PCNT: variants seen among roughly 807,000 people sequenced by gnomAD.
PCNT encodes pericentrin.
Under a neutral mutation model 380.4 loss-of-function variants are expected in PCNT, and 319 were observed. That is an observed-to-expected ratio of 0.84 (90% confidence interval 0.77 to 0.92). The LOEUF (loss-of-function observed/expected upper bound fraction) is 0.92, where lower values mean the gene tolerates loss of function less well. Ranked by LOEUF, PCNT falls within the 40% of genes least tolerant of loss-of-function variation. The pLI is 0.00. For synonymous variants in PCNT, 1,845 were observed against 1,735.2 expected (o/e 1.06, Z -1.57); for missense variants, 4,400 against 4,255.3 (o/e 1.03, Z -0.95).
chr21:46,364,737 C>T (rs1438571984), intron 14 of PCNT, among the ~76,000 whole-genome samples: 1 of 152,220 alleles, frequency 6.6e-6, no homozygotes, highest in Non-Finnish European at 1.5e-5. Flanking sequence ...CATCTGTCTG[C>T]CCCACCCAGC....
At position 46,412,070 on chromosome 21, in the gene PCNT, G is replaced by A. The variant is rs1217651313; in HGVS notation, c.5994+3G>A. On this transcript the variant is annotated splice_donor_region_variant and intron_variant, in intron 28 of 46. Transcript: ENST00000359568. ...AGCCGGTTGTCCCTGACCCACAGGT[G>A]GGCTCCCCCCGCGGGCCATGGCAGG... The A allele has an allele frequency of 6.2e-6, 10 of 1,605,868 alleles. No individual in the cohort carries two copies. The highest frequency in any genetic ancestry group is 1.1e-5 in the South Asian group (1 of 90,978).
chr21:46,365,692 C>A (rs1370035583), intron 14 of PCNT, among the ~76,000 whole-genome samples: 8 of 122,796 alleles, frequency 6.5e-5, no homozygotes, highest in South Asian at 2.8e-4. Context: ...ATGGGGTTCT[C>A]CTCACTGCTG....
chr21:46,416,344 C>A lies in PCNT; in HGVS notation c.6426C>A (p.Ile2142=), dbSNP rs773024119. Reference sequence around the variant, plus strand: ...CCACGGGGGGTGTAACTGATGTTATCAAAAATCAGGCCATAGACGCGTGTG... The same window carrying A: ...CCACGGGGGGTGTAACTGATGTTATAAAAAATCAGGCCATAGACGCGTGTG... ...NTATGGVTDV[I]KNQAIDACDA... is the part of the protein sequence containing the mutation. The change falls in exon 30 of 47, where the codon ATC becomes ATA. Residue 2142 remains isoleucine (I), a synonymous_variant. Transcript: ENST00000359568. The A allele has an allele frequency of 5.6e-6, 9 of 1,614,020 alleles. No individual in the cohort carries two copies. In the South Asian group the frequency reaches 9.9e-5, roughly 18 times the overall value.
Position 46,432,229 on chromosome 21 carries a change from G to C in PCNT, c.8751+14G>C. ...AAGGAGAAGCTGGTGAGAGCCGCCT[G>C]CCGGCGGAGCGTCCACACCTAAAAA... On this transcript the variant is annotated intron_variant, in intron 38 of 46. Transcript: ENST00000359568. The C allele has an allele frequency of 1.3e-6, 2 of 1,596,710 alleles. No homozygotes were observed. Among genetic ancestry groups the C allele is most frequent in the Non-Finnish European group, 1.7e-6 (2 of 1,172,690 alleles).
chr21:46,435,234 G>T (rs1363119457), intron 38 of PCNT, among the ~76,000 whole-genome samples: 1 of 151,736 alleles, frequency 6.6e-6, no homozygotes, highest in Non-Finnish European at 1.5e-5. Context: ...TTTTGGTTTG[G>T]TTTTTTTTGG....
Position 46,358,745 on chromosome 21 carries a change from C to T in PCNT, c.2154+1554C>T, listed in dbSNP as rs181789420. ...CTTCAAGTGATTCTCTTGCCTCAGC[C>T]TCCCTAGTAGCTGGAATTACAGGTG... On this transcript the variant is annotated intron_variant, in intron 13 of 46. Coordinates refer to ENST00000359568, the MANE Select transcript of PCNT (RefSeq NM_006031.6). Among the ~76,000 whole-genome samples, 415 of 152,118 alleles carry T rather than the reference C, an allele frequency of 2.7e-3. 2 individuals are homozygous for T. The highest frequency in any genetic ancestry group is 9.6e-3 in the African/African-American group (397 of 41,530).
At chr21:46,351,656 C>T in intron 9 of PCNT, 116 bp downstream of exon 9, 1 of 744,520 alleles carries the variant, frequency 1.3e-6, no homozygotes. Flanking sequence ...AGTGGATTTA[C>T]CTGTTTGACA....
At chr21:46,442,856 CTTTT>C in intron 44 of PCNT, 1 of 486,886 alleles carries the variant, frequency 2.1e-6, no homozygotes, top group Admixed American at 3.5e-5. Flanking sequence ...GCAAAATGGT[CTTTT>C]TTTATTCCTT....
At position 46,425,705 on chromosome 21, in the gene PCNT, G is replaced by C. The variant is rs1004840695; in HGVS notation, c.7180-126G>C. 3.7e-6 allele frequency: 5 copies of C among 1,366,730 alleles called. No homozygotes were observed. Among genetic ancestry groups the C allele is most frequent in the Non-Finnish European group, 5.2e-6 (5 of 968,732 alleles). The allele number at this position is 1,366,730 out of a possible 1,614,324, so 84.7% of individuals were successfully genotyped here. ...GCCGCCTGTACGAAGCCGAGGCGGT[G>C]CCCTCCCTCTCCACAGCTGCCCGCC... is the stretch of plus-strand genomic sequence containing the variant. On this transcript the variant is annotated intron_variant, in intron 32 of 46. Coordinates refer to ENST00000359568, the MANE Select transcript of PCNT (RefSeq NM_006031.6). The surrounding 1 kb of genome is among the most constrained non-coding windows in gnomAD (Gnocchi z 4.2).
In PCNT at chr21:46,403,756, C is replaced by T. The variant is rs568426770; in HGVS notation, c.5115+1273C>T. On this transcript the variant is annotated intron_variant, in intron 27 of 46. Transcript: ENST00000359568. Reference sequence around the variant, plus strand: ...TAGTGTGTGTTTGGTGCCCACGCGGCGCGTGCTCGGTGAATGAACACAGCG... The same window carrying T: ...TAGTGTGTGTTTGGTGCCCACGCGGTGCGTGCTCGGTGAATGAACACAGCG... Among the ~76,000 whole-genome samples, 12 of 143,080 alleles carry T rather than the reference C, an allele frequency of 8.4e-5. No homozygotes were observed. In the South Asian group the frequency reaches 2.4e-3, roughly 29 times the overall value. The allele number at this position is 143,080 out of a possible 152,430, so 93.9% of individuals were successfully genotyped here.
chr21:46,357,108 G>A lies in PCNT; in HGVS notation c.2071G>A (p.Glu691Lys). ...GCTTCTTCAGACTGAGCTCAAAGAA[G>A]AAATTGAACTCCTAAAAATAGAAAA... ...LSLLQTELKEEIELLKIENRN... is the reference protein window; with the variant it reads ...LSLLQTELKEKIELLKIENRN... Residue 691 changes from glutamate to lysine, a missense_variant, in exon 13 of 47, where the codon GAA becomes AAA. Glu to Lys is a moderately conservative substitution (Grantham distance 56). Transcript: ENST00000359568. 1.2e-6 allele frequency: 2 copies of A among 1,613,836 alleles called. No homozygotes were observed. The highest frequency in any genetic ancestry group is 1.7e-6 in the Non-Finnish European group (2 of 1,179,714).
In PCNT at chr21:46,401,638, G is replaced by A. The variant is rs749969700; in HGVS notation, c.4879G>A (p.Glu1627Lys). The A allele has an allele frequency of 2.4e-5, 38 of 1,613,896 alleles. No homozygotes were observed. The highest frequency in any genetic ancestry group is 1.8e-4 in the South Asian group (16 of 91,078). Residue 1627 changes from glutamate to lysine, a missense_variant, in exon 26 of 47, where the codon GAG becomes AAG. Glu to Lys is a moderately conservative substitution (Grantham distance 56). Coordinates refer to ENST00000359568, the MANE Select transcript of PCNT (RefSeq NM_006031.6). ...TACACTAGATGCAGGCAGATGTCCC[G>A]AGCCTCCTTCGGGCAGCCCTCCTGA... ...QSTLDAGRCPEPPSGSPPEGP... is the reference protein window; with the variant it reads ...QSTLDAGRCPKPPSGSPPEGP...
chr21:46,443,480 T>A (rs370646758), intron 44 of PCNT, among the ~76,000 whole-genome samples: 18 of 152,268 alleles, frequency 1.2e-4, no homozygotes, highest in Middle Eastern at 3.4e-3. Flanking sequence ...CCCCTCTGAG[T>A]CACACCTGGT....
In PCNT at chr21:46,334,522, G is replaced by T. The variant is rs752365337; in HGVS notation, c.393G>T (p.Gly131=). The T allele has an allele frequency of 1.2e-6, 2 of 1,601,788 alleles. No individual in the cohort carries two copies. Among genetic ancestry groups the T allele is most frequent in the Non-Finnish European group, 8.5e-7 (1 of 1,171,488 alleles). The stretch of plus-strand genomic sequence containing the variant: ...GTGACCACCCACCAGAACAGCATGG[G>T]ATGTTCACAGTCGGTGACCACCCAC... ...TVSDHPPEQH[G]MFTVGDHPPE... Residue 131 remains glycine (G), a synonymous_variant, in exon 3 of 47, where the codon GGG becomes GGT. Transcript: ENST00000359568.
At chr21:46,327,722 A>G (rs1601738746) in intron 2 of PCNT, among the ~76,000 whole-genome samples, 1 of 152,226 alleles carries the variant, frequency 6.6e-6, no homozygotes, top group African/African-American at 2.4e-5. Flanking sequence ...AAAACATAAT[A>G]TTCCTTCACA....
intron 3 of PCNT, among the ~76,000 whole-genome samples, chr21:46,341,046 G>C (rs184596812): frequency 1.5e-5 from 2 of 134,566 alleles, no homozygotes; most frequent in East Asian, 4.5e-4. Context: ...ACCATATCCG[G>C]CTGATTTTTG....
rs771047395 is a variant in PCNT at position 46,411,864 on chromosome 21, C to T, written c.5791C>T (p.Arg1931Cys). The T allele has an allele frequency of 2.9e-5, 46 of 1,564,300 alleles. No homozygotes were observed. Among genetic ancestry groups the T allele is most frequent in the Admixed American group, 1.1e-4 (6 of 54,104 alleles). ...CCGAGCGCAGTGTGCCCGCCTCAGC[C>T]GCCAGCTGCAGGTGCTGCACCAGCG... ...WLRAQCARLS[R>C]QLQVLHQRFL... Residue 1931 changes from arginine to cysteine, a missense_variant, in exon 28 of 47, where the codon CGC becomes TGC. By Grantham distance (180) the Arg-to-Cys change is radical (BLOSUM62 -3). Transcript: ENST00000359568.
chr21:46,445,357 AT>A lies in PCNT; in HGVS notation c.*32del. ...AATGTCATGGCTCTTTCCTGCGACA[AT>A]TCTATTTGAGGAAAAGATTTGTTTT... On this transcript the variant is annotated 3_prime_UTR_variant, in exon 47 of 47. Transcript: ENST00000359568. 6.5e-7 allele frequency: 1 copy of A among 1,544,834 alleles called. No individual in the cohort carries two copies. Among genetic ancestry groups the A allele is most frequent in the Non-Finnish European group, 9.0e-7 (1 of 1,116,702 alleles).
chr21:46,365,846 ACAGGGTTCTGTTCACTGCCG>A (rs1209811986), intron 14 of PCNT, among the ~76,000 whole-genome samples: 57 of 79,310 alleles, frequency 7.2e-4, no homozygotes, highest in African/African-American at 4.1e-3. Context: ...GTTCACTGCC[ACAGGGTTCTGTTCACTGCCG>A]TGGGGTTCTA....
Sources: allele counts gnomAD v4.1 joint callset (sites outside exome capture counted in the v4.1 genomes callset), GRCh38; gene constraint gnomAD v4.1.1; non-coding constraint Gnocchi (gnomAD v3.1); transcripts MANE v1.5; gene names NCBI Gene and HGNC (gene_info 2026-07-23, HGNC 2026-07-21).